NAV3: variants seen among roughly 807,000 people sequenced by gnomAD.
The protein encoded by NAV3 is neuron navigator 3, also known as pore membrane and/or filament interacting like protein 1.
In NAV3, 87 loss-of-function variants were observed where a neutral mutation model predicts 244.7. The observed-to-expected ratio is 0.36, with a 90% CI of 0.30 to 0.42. The LOEUF (loss-of-function observed/expected upper bound fraction) is 0.42, where lower values mean the gene tolerates loss of function less well. Ranked by LOEUF, NAV3 falls within the 20% of genes least tolerant of loss-of-function variation. The pLI is 1.00. For missense variants in NAV3, 2,663 were observed against 2,893.3 expected, an observed-to-expected ratio of 0.92 and a Z score of 1.83; for synonymous variants, 1,126 against 1,042.2, an observed-to-expected ratio of 1.08 and a Z score of -1.55.
intron 2 of NAV3, among the ~76,000 whole-genome samples, chr12:77,646,626 G>T (rs1250064230): frequency 6.6e-6 from 1 of 152,012 alleles, no homozygotes; most frequent in Non-Finnish European, 1.5e-5. Context: ...CCTTACACTC[G>T]ACAATACTCT....
intron 28 of NAV3, among the ~76,000 whole-genome samples, chr12:78,178,357 C>T (rs1958344369): frequency 6.6e-6 from 1 of 151,804 alleles, no homozygotes; most frequent in South Asian, 2.1e-4. Flanking sequence ...GATGGGGTTT[C>T]ACCATGTTGG....
At chr12:78,137,906 A>T (rs1419388864) in intron 19 of NAV3, among the ~76,000 whole-genome samples, 1 of 152,162 alleles carries the variant, frequency 6.6e-6, no homozygotes, top group African/African-American at 2.4e-5. Context: ...CTTTATAGTT[A>T]TATAGTTCTA....
chr12:77,982,995 C>T (rs1295760299), intron 5 of NAV3, among the ~76,000 whole-genome samples: 1 of 152,166 alleles, frequency 6.6e-6, no homozygotes, highest in Non-Finnish European at 1.5e-5. Context: ...GATCTCACTT[C>T]TCAATGGAAG....
chr12:78,081,105 A>G (rs1442728396), intron 12 of NAV3, among the ~76,000 whole-genome samples: 1 of 152,214 alleles, frequency 6.6e-6, no homozygotes, highest in Non-Finnish European at 1.5e-5. Context: ...AGGCTATGTA[A>G]GTCTTTTGAG....
chr12:77,721,987 GA>G (rs1271646293), intron 2 of NAV3, among the ~76,000 whole-genome samples: 8 of 152,058 alleles, frequency 5.3e-5, no homozygotes, highest in Non-Finnish European at 1.2e-4. Context: ...AGCACACCTA[GA>G]AGAATTGTCA....
At chr12:77,674,941 T>A (rs1331336803) in intron 2 of NAV3, among the ~76,000 whole-genome samples, 1 of 152,142 alleles carries the variant, frequency 6.6e-6, no homozygotes, top group Non-Finnish European at 1.5e-5. Flanking sequence ...AGAGAACAAA[T>A]GTCATGTCTT....
At chr12:78,159,723 T>C (rs1182659431) in intron 23 of NAV3, among the ~76,000 whole-genome samples, 2 of 152,104 alleles carry the variant, frequency 1.3e-5, no homozygotes, top group African/African-American at 2.4e-5. Flanking sequence ...GATAATACCT[T>C]TCTTTTCAGA....
chr12:77,954,854 C>T (rs1243268241), intron 3 of NAV3, among the ~76,000 whole-genome samples: 2 of 152,068 alleles, frequency 1.3e-5, no homozygotes, highest in Non-Finnish European at 2.9e-5. Context: ...ATTTTTATTA[C>T]TATCTGTTAA....
intron 12 of NAV3, among the ~76,000 whole-genome samples, chr12:78,065,400 G>A (rs1884894739): frequency 6.6e-6 from 1 of 152,152 alleles, no homozygotes. Flanking sequence ...CACTGTGCAA[G>A]CTAGGAACAT....
chr12:77,995,048 TA>T (rs1342824956), intron 6 of NAV3, among the ~76,000 whole-genome samples, 177 bp downstream of exon 6: 2 of 152,108 alleles, frequency 1.3e-5, no homozygotes, highest in East Asian at 3.8e-4. Context: ...TTGTACTAGA[TA>T]ATTAAATGGG....
At chr12:78,004,805 T>C (rs1250459240) in intron 7 of NAV3, among the ~76,000 whole-genome samples, 1 of 152,196 alleles carries the variant, frequency 6.6e-6, no homozygotes, top group Non-Finnish European at 1.5e-5. Flanking sequence ...TGGACAGATT[T>C]AGAGCGGAGC....
At position 78,006,917 on chromosome 12, in the gene NAV3, A is replaced by T. The variant is rs915656076; in HGVS notation, c.1379A>T (p.Lys460Met). 1.2e-6 allele frequency: 2 copies of T among 1,614,018 alleles called. No individual in the cohort carries two copies. The highest frequency in any genetic ancestry group is 8.5e-7 in the Non-Finnish European group (1 of 1,180,002). ...KAGSKNLSNK[K>M]SLLQPKEKEE... ...GGAAGCAAAAATCTCAGCAATAAAA[A>T]GTCTTTGCTACAGCCAAAGGAAAAA... The change falls in exon 8 of 40, where the codon AAG becomes ATG. Residue 460 changes from lysine to methionine, a missense_variant. This residue lies in a region of NAV3 where 1,521 missense variants were observed against 1,497.0 expected (regional missense o/e 1.02). Coordinates refer to ENST00000397909, the MANE Select transcript of NAV3 (RefSeq NM_001024383.2).
chr12:78,006,889 G>C lies in NAV3; in HGVS notation c.1351G>C (p.Ala451Pro), dbSNP rs1215249883. 1 of 1,614,036 alleles carries C rather than the reference G, an allele frequency of 6.2e-7. No individual in the cohort carries two copies. Among genetic ancestry groups the C allele is most frequent in the Non-Finnish European group, 8.5e-7 (1 of 1,180,016 alleles). The change falls in exon 8 of 40, where the codon GCT becomes CCT. Residue 451 changes from alanine (A) to proline (P), a missense_variant. Ala to Pro is a conservative substitution (Grantham distance 27, BLOSUM62 -1). Coordinates refer to ENST00000397909, the MANE Select transcript of NAV3 (RefSeq NM_001024383.2). The stretch of plus-strand genomic sequence containing the variant: ...GTCACCTAAGTTGGCCCCTCCAAAA[G>C]CTGGAAGCAAAAATCTCAGCAATAA... The part of the protein sequence containing the change: ...KVSPKLAPPK[A>P]GSKNLSNKKS...
chr12:77,621,878 A>G (rs1871387737), intron 2 of NAV3, among the ~76,000 whole-genome samples: 1 of 152,162 alleles, frequency 6.6e-6, no homozygotes, highest in South Asian at 2.1e-4. Flanking sequence ...TCATATAATT[A>G]ATATTTCACT....
chr12:77,724,239 A>G (rs1001816268), intron 2 of NAV3, among the ~76,000 whole-genome samples: 1 of 151,938 alleles, frequency 6.6e-6, no homozygotes, highest in African/African-American at 2.4e-5. Flanking sequence ...GTGGGCACTT[A>G]TGTATTTGTT....
chr12:77,768,489 G>A (rs952955712), intron 2 of NAV3, among the ~76,000 whole-genome samples: 1 of 152,244 alleles, frequency 6.6e-6, no homozygotes, highest in Non-Finnish European at 1.5e-5. Flanking sequence ...AGACTGGAGG[G>A]GGCTGAGGCA....
chr12:78,051,451 C>T (rs7308339), intron 11 of NAV3, among the ~76,000 whole-genome samples: 5 of 151,938 alleles, frequency 3.3e-5, no homozygotes, highest in East Asian at 1.9e-4. Flanking sequence ...TAGTTAAGGA[C>T]GTGGGAAGGA....
intron 1 of NAV3, among the ~76,000 whole-genome samples, chr12:77,856,733 C>G (rs537333282): frequency 6.6e-6 from 1 of 152,084 alleles, no homozygotes; most frequent in Non-Finnish European, 1.5e-5. Flanking sequence ...AGTTAATTAT[C>G]CACATTTCTA....
At chr12:78,204,883 G>C in intron 38 of NAV3, 52 bp from the exon 39 acceptor site, 1 of 1,530,968 alleles carries the variant, frequency 6.5e-7, no homozygotes, top group Non-Finnish European at 8.9e-7. Context: ...CCCCTTTTTT[G>C]CTGAATAGAA....
Sources: allele counts gnomAD v4.1 joint callset (sites outside exome capture counted in the v4.1 genomes callset), GRCh38; gene constraint gnomAD v4.1.1; regional missense constraint gnomAD v4.1.1; transcripts MANE v1.5; gene names NCBI Gene and HGNC (gene_info 2026-07-23, HGNC 2026-07-21).